Variants in ABCA5 observed in about 807,000 individuals in gnomAD.
ABCA5 encodes the protein ATP binding cassette subfamily A member 5, also known as cholesterol transporter ABCA5.
In ABCA5, 163 loss-of-function variants were observed where a neutral mutation model predicts 206.0. The ratio of observed to expected loss-of-function variants is 0.79; its 90% CI spans 0.70 to 0.90. The LOEUF is 0.90. Among genes scored for constraint, ABCA5 ranks in the 40% least tolerant of loss-of-function variants. ABCA5 has a pLI of 0.00. For synonymous variants in ABCA5, 609 were observed against 613.8 expected (o/e 0.99, Z 0.11); for missense variants, 1,859 against 1,912.9 (o/e 0.97, Z 0.53).
chr17:69,248,199 A>C lies in ABCA5; in HGVS notation c.4821+63T>G. On this transcript the variant is annotated intron_variant, in intron 38 of 38. Coordinates refer to ENST00000392676, the MANE Select transcript of ABCA5 (RefSeq NM_172232.4). ...ATCTCTCCCTCTCTAATATAAACCA[A>C]AACAATCGATATCAGATACTTTCTT... 3 of 1,018,420 alleles carry C rather than the reference A, an allele frequency of 2.9e-6. 1 individual carries two copies. Among genetic ancestry groups the C allele is most frequent in the South Asian group, 3.1e-5 (2 of 65,498 alleles). The allele number at this position is 1,018,420 out of a possible 1,614,324, so 63.1% of individuals were successfully genotyped here. A position where few individuals can be genotyped will look rare whatever the true frequency, so the allele number is the denominator to read the frequency against.
chr17:69,303,047 T>C (rs569426711), intron 7 of ABCA5, 141 bp from the exon 8 acceptor site: 6 of 481,048 alleles, frequency 1.2e-5, no homozygotes, highest in Admixed American at 8.0e-5. Context: ...CTAAATGCTA[T>C]GGTATTTTAT....
chr17:69,313,419 T>C, intron 2 of ABCA5, 123 bp from the exon 3 acceptor site: 1 of 346,960 alleles, frequency 2.9e-6, no homozygotes. Flanking sequence ...TTCTTATGAA[T>C]AAAATAAAAG....
At chr17:69,319,039 T>C in intron 1 of ABCA5, 1 of 398,700 alleles carries the variant, frequency 2.5e-6, no homozygotes, top group South Asian at 3.1e-5. Context: ...AAAAATTAAG[T>C]CATGTATATT....
In ABCA5 at chr17:69,253,928, C is replaced by A. The variant is rs1385423608; in HGVS notation, c.4245-59G>T. ...TGATATATATAAACACAAATACCAACTGGGTGTGATCCCTGATGTTGTTTT... is the reference window on the plus strand; with the variant it reads ...TGATATATATAAACACAAATACCAAATGGGTGTGATCCCTGATGTTGTTTT... On this transcript the variant is annotated intron_variant, in intron 32 of 38. Transcript: ENST00000392676. The A allele has an allele frequency of 2.6e-5, 36 of 1,376,110 alleles. No homozygotes were observed. The East Asian group carries it at 8.0e-4, about 31-fold the overall frequency. 85.2% of individuals were successfully genotyped at this position (1,376,110 alleles called of 1,614,324 possible). A position where few individuals can be genotyped will look rare whatever the true frequency, so the allele number is the denominator to read the frequency against.
intron 24 of ABCA5, among the ~76,000 whole-genome samples, chr17:69,264,124 T>C (rs186024287): frequency 6.6e-6 from 1 of 152,318 alleles, no homozygotes; most frequent in Admixed American, 6.5e-5. Flanking sequence ...GTAGATTGCT[T>C]TGGGCAGTAT....
intron 7 of ABCA5, among the ~76,000 whole-genome samples, chr17:69,303,807 T>TATACACATATATATATATACAC (rs1474929503): frequency 1.9e-4 from 1 of 5,226 alleles, no homozygotes; most frequent in African/African-American, 2.5e-4. Context: ...TATATATATA[T>TATACACATATATATATATACAC]ACATACATAT....
chr17:69,272,561 T>TA (rs1321449665), intron 20 of ABCA5, among the ~76,000 whole-genome samples: 2 of 151,932 alleles, frequency 1.3e-5, no homozygotes, highest in East Asian at 1.9e-4. Context: ...TGGACACATA[T>TA]AAAAAATGTC....
Position 69,247,455 on chromosome 17 carries a change from T to C in ABCA5, c.*82A>G. ...GCGTTCTTGGTTCTCCAGTTACCAT[T>C]CCAATAAAAAACTTTTTAAACCAAA... On this transcript the variant is annotated 3_prime_UTR_variant, in exon 39 of 39. Coordinates refer to ENST00000392676, the MANE Select transcript of ABCA5 (RefSeq NM_172232.4). 1.1e-6 allele frequency: 1 copy of C among 896,846 alleles called. No individual in the cohort carries two copies. The highest frequency in any genetic ancestry group is 1.7e-6 in the Non-Finnish European group (1 of 577,982). 55.6% of individuals were successfully genotyped at this position (896,846 alleles called of 1,614,324 possible).
At position 69,259,789 on chromosome 17, in the gene ABCA5, C is replaced by G. The variant is rs768894965; in HGVS notation, c.3648G>C (p.Leu1216=). The change falls in exon 28 of 39, where the codon CTG becomes CTC. Residue 1216 remains leucine (L), a synonymous_variant. Coordinates refer to ENST00000392676, the MANE Select transcript of ABCA5 (RefSeq NM_172232.4). ...AGAGGAAAATCCACAGTACACACTG[C>G]AGGTAAGGCTAAAAGAAGAACATGT... ...RLSVAVISPY[L]QCVLWIFLLQ... 1.3e-6 allele frequency: 2 copies of G among 1,591,566 alleles called. No individual in the cohort carries two copies. Among genetic ancestry groups the G allele is most frequent in the Admixed American group, 1.7e-5 (1 of 58,338 alleles).
chr17:69,289,349 A>T (rs886907489), intron 13 of ABCA5, 53 bp from the exon 14 acceptor site: 1 of 1,308,544 alleles, frequency 7.6e-7, no homozygotes, highest in East Asian at 2.9e-5. Flanking sequence ...CCATTTATAT[A>T]ATTATCAATA....
chr17:69,245,115 T>G lies in ABCA5; in HGVS notation c.*2422A>C, dbSNP rs548609499. Reference sequence around the variant, plus strand: ...AACCAAAATACTGACCTAAGATAATTTGTGCAAATTTAAAAGAAAAAAATT... The same window carrying G: ...AACCAAAATACTGACCTAAGATAATGTGTGCAAATTTAAAAGAAAAAAATT... On this transcript the variant is annotated 3_prime_UTR_variant, in exon 39 of 39. Coordinates refer to ENST00000392676, the MANE Select transcript of ABCA5 (RefSeq NM_172232.4). 12 of 151,668 alleles carry G rather than the reference T, an allele frequency of 7.9e-5. No homozygotes were observed. In the East Asian group the frequency reaches 1.2e-3, roughly 15 times the overall value. The allele number at this position is 151,668 out of a possible 1,614,324, so 9.4% of individuals were successfully genotyped here.
chr17:69,287,608 C>G lies in ABCA5; in HGVS notation c.2041+5G>C. On this transcript the variant is annotated splice_donor_5th_base_variant and intron_variant, in intron 15 of 38. Transcript: ENST00000392676. ...CAGCCTTCGAAAATAAAACAAAAAT[C>G]TCACCTGCAAGAATGTCAGCTTCAT... The G allele has an allele frequency of 6.2e-7, 1 of 1,606,978 alleles. No homozygotes were observed. Among genetic ancestry groups the G allele is most frequent in the South Asian group, 1.1e-5 (1 of 89,800 alleles).
At chr17:69,285,857 G>T (rs371216724) in intron 17 of ABCA5, 41 bp downstream of exon 17, 3 of 1,569,052 alleles carry the variant, frequency 1.9e-6, no homozygotes, top group South Asian at 1.2e-5. Flanking sequence ...CCCAATATAG[G>T]ATCCCAGTTC....
intron 7 of ABCA5, 87 bp from the exon 8 acceptor site, chr17:69,302,993 C>G: frequency 1.5e-6 from 1 of 652,478 alleles, no homozygotes; most frequent in Non-Finnish European, 2.3e-6. Context: ...AAAGAACAAG[C>G]TATTTTCATG....
At chr17:69,324,464 T>A (rs1048297377) in intron 1 of ABCA5, among the ~76,000 whole-genome samples, 1 of 152,238 alleles carries the variant, frequency 6.6e-6, no homozygotes, top group Non-Finnish European at 1.5e-5. Context: ...GCATTGGGAA[T>A]GGATTATGAA....
chr17:69,259,653 A>C, intron 28 of ABCA5, 53 bp downstream of exon 28: 2 of 1,225,804 alleles, frequency 1.6e-6, no homozygotes, highest in Non-Finnish European at 1.2e-6. Flanking sequence ...TAATGGTTAC[A>C]CAGTTCTGTA....
intron 3 of ABCA5, among the ~76,000 whole-genome samples, chr17:69,309,936 T>C (rs2145032902): frequency 6.6e-6 from 1 of 152,282 alleles, no homozygotes; most frequent in East Asian, 1.9e-4. Context: ...TGTCATTTGA[T>C]TACAGAAATG....
chr17:69,278,592 C>G (rs1333062953), intron 18 of ABCA5, among the ~76,000 whole-genome samples: 1 of 151,760 alleles, frequency 6.6e-6, no homozygotes, highest in African/African-American at 2.4e-5. Context: ...TGTGATCATA[C>G]AGATTATTAG....
intron 19 of ABCA5, among the ~76,000 whole-genome samples, chr17:69,275,899 T>A (rs1019174016): frequency 1.3e-5 from 2 of 151,850 alleles, no homozygotes; most frequent in Non-Finnish European, 2.9e-5. Flanking sequence ...CATGAAGAGG[T>A]CATATGAGCA....
Sources: gnomAD v4.1 joint callset for allele counts (sites outside exome capture counted in the v4.1 genomes callset) on GRCh38, gnomAD v4.1.1 for gene constraint, MANE v1.5 for transcripts, NCBI Gene and HGNC (gene_info 2026-07-23, HGNC 2026-07-21) for gene names.